Variants in PACRG observed in about 807,000 individuals in gnomAD.
PACRG encodes parkin coregulated, also known as parkin coregulated gene protein.
A neutral mutation model predicts 29.7 loss-of-function variants in PACRG; 29 were observed. The ratio of observed to expected loss-of-function variants is 0.98; its 90% CI spans 0.73 to 1.33. The LOEUF is 1.33. Ranked by LOEUF, PACRG falls within the 40% of genes most tolerant of loss-of-function variation. PACRG has a pLI of 0.00. For missense variants in PACRG, 279 were observed against 316.2 expected, an observed-to-expected ratio of 0.88 and a Z score of 0.89; for synonymous variants, 116 against 118.7, an observed-to-expected ratio of 0.98 and a Z score of 0.15.
chr6:162,878,916 T>C (rs2128009077), intron 2 of PACRG, among the ~76,000 whole-genome samples: 1 of 152,330 alleles, frequency 6.6e-6, no homozygotes, highest in Non-Finnish European at 1.5e-5. Context: ...AGAAATATTA[T>C]TGCTATTATA....
rs532493164 is a variant in PACRG at position 163,119,161 on chromosome 6, T to G, written c.613+29753T>G. Among the ~76,000 whole-genome samples the G allele has an allele frequency of 1.5e-4, 23 of 152,336 alleles. 1 individual carries two copies. The South Asian group carries it at 4.8e-3, about 32-fold the overall frequency. ...TCTCAGAGATGCTCATTGTTGTCAT[T>G]TAACTGCGAGGGCCACAGAGGGGAC... On this transcript the variant is annotated intron_variant, in intron 4 of 4. Transcript: ENST00000366888.
chr6:162,819,345 TA>T (rs1167548290), intron 2 of PACRG, among the ~76,000 whole-genome samples: 4 of 152,204 alleles, frequency 2.6e-5, no homozygotes, highest in Admixed American at 6.5e-5. Flanking sequence ...TGTTTTGTAT[TA>T]AAAAATGACT....
At chr6:163,022,278 T>C (rs4709674) in intron 2 of PACRG, among the ~76,000 whole-genome samples, 83,212 of 152,194 alleles carry the variant, frequency 0.55, 25,029 homozygotes, top group East Asian at 0.96. Flanking sequence ...TCCCTGCCCT[T>C]GCTGTACTCT....
intron 1 of PACRG, among the ~76,000 whole-genome samples, chr6:162,794,872 A>G (rs1785243208): frequency 6.6e-6 from 1 of 152,212 alleles, no homozygotes; most frequent in African/African-American, 2.4e-5. Context: ...ATAAACAATA[A>G]GCATTACAGA....
chr6:163,022,033 C>T (rs1330074138), intron 2 of PACRG, among the ~76,000 whole-genome samples: 4 of 152,214 alleles, frequency 2.6e-5, no homozygotes, highest in Non-Finnish European at 5.9e-5. Flanking sequence ...TGCTGGGAGG[C>T]AGTCTCCGAA....
At chr6:163,214,358 C>T (rs1035217855) in intron 4 of PACRG, among the ~76,000 whole-genome samples, 1 of 152,054 alleles carries the variant, frequency 6.6e-6, no homozygotes, top group African/African-American at 2.4e-5. Flanking sequence ...AAGATATTCT[C>T]ACACGTTTAT....
intron 2 of PACRG, among the ~76,000 whole-genome samples, chr6:162,947,611 C>CATATATATATATATATATATAATCATAT (rs1799281111): frequency 7.1e-5 from 2 of 27,988 alleles, no homozygotes; most frequent in African/African-American, 1.1e-4. Flanking sequence ...TATATATAAT[C>CATATATATATATATATATATAATCATAT]ATATATATAT....
intron 2 of PACRG, among the ~76,000 whole-genome samples, chr6:162,945,951 A>T (rs1798971099): frequency 6.6e-6 from 1 of 152,204 alleles, no homozygotes; most frequent in Non-Finnish European, 1.5e-5. Flanking sequence ...ATTAAAAAAT[A>T]TCTTGAAACA....
intron 2 of PACRG, among the ~76,000 whole-genome samples, chr6:162,877,273 A>G (rs916936287): frequency 6.6e-6 from 1 of 152,204 alleles, no homozygotes; most frequent in African/African-American, 2.4e-5. Context: ...GAATGAGTTC[A>G]TGTCCTTTGC....
At chr6:162,932,379 A>C (rs1797917286) in intron 2 of PACRG, among the ~76,000 whole-genome samples, 1 of 152,048 alleles carries the variant, frequency 6.6e-6, no homozygotes, top group Admixed American at 6.6e-5. Flanking sequence ...ATACTTTAAT[A>C]GTACATTTTT....
At chr6:163,288,306 C>T (rs187990570) in intron 4 of PACRG, among the ~76,000 whole-genome samples, 1 of 152,114 alleles carries the variant, frequency 6.6e-6, no homozygotes, top group South Asian at 2.1e-4. Context: ...GCTCCGTGTG[C>T]GTGGTATTCT....
chr6:163,310,150 T>C (rs769768813), intron 4 of PACRG: 1 of 152,158 alleles, frequency 6.6e-6, no homozygotes, highest in Non-Finnish European at 1.5e-5. Flanking sequence ...AAATCCAAAT[T>C]TGAATTAAAT....
intron 4 of PACRG, among the ~76,000 whole-genome samples, chr6:163,122,018 G>A (rs78765010): frequency 0.021 from 3,153 of 151,914 alleles, 123 homozygotes; most frequent in African/African-American, 0.072. Context: ...CTATACATGC[G>A]GAGGAGTTTT....
rs75425408 is a variant in PACRG at position 162,915,660 on chromosome 6, A to G, written c.291+101379A>G. Among the ~76,000 whole-genome samples, 903 of 152,088 alleles carry G rather than the reference A, an allele frequency of 5.9e-3. 20 individuals are homozygous for G. In the East Asian group the frequency reaches 0.071, roughly 12 times the overall value. ...GATTATTTGAATATGTTTGTATTGCATGTGAATGTATCTCTTAGCTATCAG... is the reference window on the plus strand; with the variant it reads ...GATTATTTGAATATGTTTGTATTGCGTGTGAATGTATCTCTTAGCTATCAG... On this transcript the variant is annotated intron_variant, in intron 2 of 4. Transcript: ENST00000366888.
chr6:163,314,768 G>A (rs1562375449), intron 4 of PACRG, 59 bp from the exon 5 acceptor site: 3 of 1,580,650 alleles, frequency 1.9e-6, no homozygotes, highest in Non-Finnish European at 2.6e-6. Context: ...AGACTGTGTA[G>A]GACTTTTCGG....
intron 1 of PACRG, among the ~76,000 whole-genome samples, chr6:162,759,059 G>C (rs1025342350): frequency 2.0e-5 from 3 of 152,160 alleles, no homozygotes. Context: ...AAATTGACAT[G>C]GAATTGCCTT....
intron 4 of PACRG, among the ~76,000 whole-genome samples, chr6:163,148,813 G>A (rs1298179536): frequency 2.0e-5 from 3 of 151,998 alleles, no homozygotes; most frequent in Admixed American, 2.0e-4. Flanking sequence ...TCTCCTGAAC[G>A]TGCTCTGTGC....
chr6:163,290,266 A>ACGCG lies in PACRG; in HGVS notation c.614-24551_614-24548dup, dbSNP rs377081564. Among the ~76,000 whole-genome samples, 1,092 of 120,448 alleles carry ACGCG rather than the reference A, an allele frequency of 9.1e-3. 17 individuals carry two copies. The highest frequency in any genetic ancestry group is 0.033 in the African/African-American group (1,019 of 31,242). 79.0% of individuals were successfully genotyped at this position (120,448 alleles called of 152,430 possible). A position where few individuals can be genotyped will look rare whatever the true frequency, so the allele number is the denominator to read the frequency against. ...TTATCATACGCACATGTGCGCATGCACGCGCGCGCGCGCACACACACACAC... is the reference window on the plus strand; with the variant it reads ...TTATCATACGCACATGTGCGCATGCACGCGCGCGCGCGCGCGCACACACACACAC... On this transcript the variant is annotated intron_variant, in intron 4 of 4. Transcript: ENST00000366888.
At chr6:163,118,891 A>G (rs1332697679) in intron 4 of PACRG, among the ~76,000 whole-genome samples, 1 of 152,200 alleles carries the variant, frequency 6.6e-6, no homozygotes, top group African/African-American at 2.4e-5. Flanking sequence ...ACCCTTGCAT[A>G]GAGACTCGGA....
Sources: gnomAD v4.1 joint callset for allele counts (sites outside exome capture counted in the v4.1 genomes callset) on GRCh38, gnomAD v4.1.1 for gene constraint, MANE v1.5 for transcripts, NCBI Gene and HGNC (gene_info 2026-07-23, HGNC 2026-07-21) for gene names.